The following ADCY2 variants were observed in gnomAD, a reference collection of about 807,000 sequenced individuals.
ADCY2 encodes the protein adenylate cyclase 2.
Under a neutral mutation model 125.2 loss-of-function variants are expected in ADCY2, and 31 were observed. That is an observed-to-expected ratio of 0.25 (90% CI 0.19 to 0.33). The LOEUF is 0.33. Among genes scored for constraint, ADCY2 ranks in the 10% least tolerant of loss-of-function variants. The pLI is 1.00. For missense variants in ADCY2, 904 were observed against 1,418.2 expected (o/e 0.64, Z 5.82); for synonymous variants, 512 against 548.4 (o/e 0.93, Z 0.93).
chr5:7,550,617 T>A (rs917603187), intron 3 of ADCY2, among the ~76,000 whole-genome samples: 1 of 152,194 alleles, frequency 6.6e-6, no homozygotes, highest in Non-Finnish European at 1.5e-5. Flanking sequence ...CTTCTATTAT[T>A]CTGGAAGAGT....
At chr5:7,421,274 T>C (rs1740193560) in intron 2 of ADCY2, among the ~76,000 whole-genome samples, 1 of 152,232 alleles carries the variant, frequency 6.6e-6, no homozygotes, top group Non-Finnish European at 1.5e-5. Flanking sequence ...ATTTATTGTC[T>C]CAGCTCTGGA....
intron 11 of ADCY2, among the ~76,000 whole-genome samples, 183 bp from the exon 12 acceptor site, chr5:7,716,974 A>G (rs1397304239): frequency 1.3e-5 from 2 of 152,246 alleles, no homozygotes; most frequent in Non-Finnish European, 2.9e-5. Flanking sequence ...TCCAACACAT[A>G]GAAATGATAA....
chr5:7,736,756 C>T (rs1356634573), intron 14 of ADCY2, among the ~76,000 whole-genome samples: 2 of 151,898 alleles, frequency 1.3e-5, no homozygotes, highest in Non-Finnish European at 2.9e-5. Context: ...TTTTAGGAAA[C>T]AAAGGCCTAT....
At chr5:7,597,146 G>A (rs1276956163) in intron 3 of ADCY2, among the ~76,000 whole-genome samples, 2 of 152,190 alleles carry the variant, frequency 1.3e-5, no homozygotes, top group East Asian at 1.9e-4. Flanking sequence ...ACAATATTAG[G>A]CTTTTACTTG....
intron 3 of ADCY2, among the ~76,000 whole-genome samples, chr5:7,601,939 C>T (rs567364590): frequency 6.6e-6 from 1 of 152,286 alleles, no homozygotes; most frequent in East Asian, 1.9e-4. Context: ...GTCAGCAGGG[C>T]CATGTTCCCT....
intron 3 of ADCY2, among the ~76,000 whole-genome samples, chr5:7,545,423 C>T (rs927919914): frequency 2.0e-5 from 3 of 152,112 alleles, no homozygotes; most frequent in African/African-American, 7.2e-5. Context: ...GTCCTGGATA[C>T]TTAAAAACCA....
chr5:7,525,797 C>T (rs923817945), intron 3 of ADCY2, among the ~76,000 whole-genome samples: 3 of 152,156 alleles, frequency 2.0e-5, no homozygotes, highest in Admixed American at 2.0e-4. Flanking sequence ...GTAAAAAATA[C>T]CTAGCTTCCA....
intron 3 of ADCY2, among the ~76,000 whole-genome samples, chr5:7,565,782 G>A (rs754345582): frequency 2.0e-5 from 3 of 152,174 alleles, no homozygotes; most frequent in Non-Finnish European, 2.9e-5. Flanking sequence ...GCCATATGCT[G>A]TCTGCTCCCC....
intron 18 of ADCY2, among the ~76,000 whole-genome samples, chr5:7,783,690 T>C (rs1296619619): frequency 6.6e-6 from 1 of 152,242 alleles, no homozygotes; most frequent in Non-Finnish European, 1.5e-5. Flanking sequence ...AATGTTCGCA[T>C]GTCAGCATTT....
chr5:7,485,052 GA>G, intron 2 of ADCY2, among the ~76,000 whole-genome samples: 1 of 152,210 alleles, frequency 6.6e-6, no homozygotes. Context: ...CCCATTCAGC[GA>G]AACTACACTT....
At chr5:7,443,026 C>T (rs937345638) in intron 2 of ADCY2, among the ~76,000 whole-genome samples, 1 of 152,164 alleles carries the variant, frequency 6.6e-6, no homozygotes, top group African/African-American at 2.4e-5. Flanking sequence ...ACTTCTGCAT[C>T]CTTGGACACA....
At chr5:7,699,986 A>G (rs540859546) in intron 7 of ADCY2, among the ~76,000 whole-genome samples, 3 of 152,336 alleles carry the variant, frequency 2.0e-5, no homozygotes, top group Admixed American at 2.0e-4. Context: ...TTTAAAAGAA[A>G]TTTTGAACAT....
At chr5:7,651,469 C>T (rs1432159374) in intron 4 of ADCY2, among the ~76,000 whole-genome samples, 1 of 152,132 alleles carries the variant, frequency 6.6e-6, no homozygotes, top group Non-Finnish European at 1.5e-5. Flanking sequence ...GTTGAAAGTC[C>T]AAGAGAACTT....
chr5:7,690,705 C>G lies in ADCY2; in HGVS notation c.735C>G (p.Leu245=). The G allele has an allele frequency of 6.3e-7, 1 of 1,594,630 alleles. No homozygotes were observed. Among genetic ancestry groups the G allele is most frequent in the South Asian group, 1.1e-5 (1 of 88,146 alleles). The change falls in exon 5 of 25, where the codon CTC becomes CTG. Residue 245 remains leucine, a synonymous_variant. Coordinates refer to ENST00000338316, the MANE Select transcript of ADCY2 (RefSeq NM_020546.3). The part of the protein sequence containing the change: ...FEKRQQERLL[L]SLLPAHIAME... ...ACCTTGTCCAGGAGCGGCTTCTGCT[C>G]TCCCTGCTGCCGGCCCACATCGCCA... is the stretch of plus-strand genomic sequence containing the variant.
chr5:7,788,717 G>T lies in ADCY2; in HGVS notation c.2470-925G>T, dbSNP rs540407998. Among the ~76,000 whole-genome samples, 24 of 152,070 alleles carry T rather than the reference G, an allele frequency of 1.6e-4. No individual in the cohort carries two copies. The East Asian group carries it at 4.3e-3, about 27-fold the overall frequency. The stretch of plus-strand genomic sequence containing the variant: ...ATCTGTGTGCATGTGTGTGTGTTTT[G>T]TGTTACTTTGTACTGTCATTGGTAG... On this transcript the variant is annotated intron_variant, in intron 19 of 24. Transcript: ENST00000338316.
chr5:7,603,244 T>C (rs141612676), intron 3 of ADCY2, among the ~76,000 whole-genome samples: 16 of 152,276 alleles, frequency 1.1e-4, no homozygotes, highest in Admixed American at 2.6e-4. Flanking sequence ...AATGTGTGGA[T>C]GTTCAGCGTC....
chr5:7,511,999 T>C (rs1353159918), intron 2 of ADCY2, among the ~76,000 whole-genome samples: 1 of 151,776 alleles, frequency 6.6e-6, no homozygotes, highest in Admixed American at 6.6e-5. Flanking sequence ...GGTGGGCAGA[T>C]TACTTGAGGC....
intron 3 of ADCY2, among the ~76,000 whole-genome samples, chr5:7,542,256 A>G (rs1735020908): frequency 6.6e-6 from 1 of 152,172 alleles, no homozygotes. Context: ...GTAAAATGTT[A>G]CATGATTTAT....
At chr5:7,628,944 C>T (rs1738220212) in intron 4 of ADCY2, among the ~76,000 whole-genome samples, 1 of 152,096 alleles carries the variant, frequency 6.6e-6, no homozygotes, top group Admixed American at 6.6e-5. Context: ...ACACTGAGGC[C>T]CAGTAGGGCC....
Sources: gnomAD v4.1 joint callset for allele counts (sites outside exome capture counted in the v4.1 genomes callset) on GRCh38, gnomAD v4.1.1 for gene constraint, MANE v1.5 for transcripts, NCBI Gene and HGNC (gene_info 2026-07-23, HGNC 2026-07-21) for gene names.